The following PDHA1 variants were observed in gnomAD, a reference collection of about 807,000 sequenced individuals.
The protein encoded by PDHA1 is pyruvate dehydrogenase E1 component subunit alpha, somatic form, mitochondrial.
PDHA1 carries 1 observed loss-of-function variant against 33.0 expected under a neutral mutation model. That is an observed-to-expected ratio of 0.03 (90% CI 0.01 to 0.14). The LOEUF (loss-of-function observed/expected upper bound fraction) is 0.14. Ranked by LOEUF, PDHA1 falls within the 10% of genes least tolerant of loss-of-function variation. The probability of loss-of-function intolerance (pLI) is 1.00; values close to 1 mark genes in which losing one functional copy is unlikely to be tolerated. For missense variants in PDHA1, 168 were observed against 325.1 expected (o/e 0.52, Z 3.72); for synonymous variants, 123 against 119.2 (o/e 1.03, Z -0.21).
Position 19,355,335 on chromosome X carries a change from G to A in PDHA1, c.604-14G>A, listed in dbSNP as rs377192586. Reference sequence around the variant, plus strand: ...AAGAAGCCAAATGAAACCCCTTTTCGTAACTACTTCCAGGGCCAGATATTC... The same window carrying A: ...AAGAAGCCAAATGAAACCCCTTTTCATAACTACTTCCAGGGCCAGATATTC... On this transcript the variant is annotated splice_polypyrimidine_tract_variant and intron_variant, in intron 6 of 10. Transcript: ENST00000422285. 3.3e-4 allele frequency: 401 copies of A among 1,209,500 alleles called. 1 individual carries two copies. The highest frequency in any genetic ancestry group is 4.2e-4 in the Non-Finnish European group (376 of 894,254).
Position 19,361,015 on chromosome X carries a change from T to A in PDHA1, c.*1362T>A. On this transcript the variant is annotated 3_prime_UTR_variant, in exon 11 of 11. Transcript: ENST00000422285. ...AGGTACGTACCTGCAGAGAGCTGGC[T>A]ATTTCAAATGACTCGGGAACAAGAA... 1 of 425,237 alleles carries A rather than the reference T, an allele frequency of 2.4e-6. No homozygotes were observed. Among genetic ancestry groups the A allele is most frequent in the South Asian group, 4.0e-5 (1 of 25,157 alleles). 35.0% of individuals were successfully genotyped at this position (425,237 alleles called of 1,213,427 possible).
intron 1 of PDHA1, 60 bp downstream of exon 1, chrX:19,344,154 G>A: frequency 9.5e-7 from 1 of 1,047,680 alleles, no homozygotes; most frequent in Non-Finnish European, 1.3e-6. Context: ...GGGCCGGAGG[G>A]CAGGGCGGGC....
Position 19,349,387 on chromosome X carries a change from C to T in PDHA1, c.117+16C>T, listed in dbSNP as rs757071068. 3 of 1,045,340 alleles carry T rather than the reference C, an allele frequency of 2.9e-6. No homozygotes were observed. The African/African-American group carries it at 5.5e-5, about 19-fold the overall frequency. 86.1% of individuals were successfully genotyped at this position (1,045,340 alleles called of 1,213,427 possible). A position where few individuals can be genotyped will look rare whatever the true frequency, so the allele number is the denominator to read the frequency against. Reference sequence around the variant, plus strand: ...TGAAATTAAGGTAAGAGGTGTTTTACTTTGTTAATAATTTTTTCACAGGTA... The same window carrying T: ...TGAAATTAAGGTAAGAGGTGTTTTATTTTGTTAATAATTTTTTCACAGGTA... On this transcript the variant is annotated intron_variant, in intron 2 of 10. Coordinates refer to ENST00000422285, the MANE Select transcript of PDHA1 (RefSeq NM_000284.4).
At position 19,361,246 on chromosome X, in the gene PDHA1, G is replaced by C; in HGVS notation, c.*1593G>C. 1 of 733,245 alleles carries C rather than the reference G, an allele frequency of 1.4e-6. No homozygotes were observed. Among genetic ancestry groups the C allele is most frequent in the Non-Finnish European group, 2.0e-6 (1 of 503,335 alleles). 60.4% of individuals were successfully genotyped at this position (733,245 alleles called of 1,213,427 possible). A position where few individuals can be genotyped will look rare whatever the true frequency, so the allele number is the denominator to read the frequency against. On this transcript the variant is annotated 3_prime_UTR_variant, in exon 11 of 11. Coordinates refer to ENST00000422285, the MANE Select transcript of PDHA1 (RefSeq NM_000284.4). ...TGAACCTAATAGAACTCCAGAGTTT[G>C]GGGGGAGGCCCAGCCCTTTGTTTTC...
At chrX:19,346,249 T>C (rs1284858107) in intron 1 of PDHA1, among the ~76,000 whole-genome samples, 2 of 111,900 alleles carry the variant, frequency 1.8e-5, no homozygotes, top group Non-Finnish European at 3.8e-5. Flanking sequence ...GCTGGTCTGA[T>C]GGCTGTGACA....
rs1368185328 is a variant in PDHA1, at chrX:19,359,721, G to A, written c.*68G>A. Reference sequence around the variant, plus strand: ...CAGTGTTCTCAACTTGGTTAAGGAGGAAGAAAACCCAGTCAATGAAATTCA... The same window carrying A: ...CAGTGTTCTCAACTTGGTTAAGGAGAAAGAAAACCCAGTCAATGAAATTCA... On this transcript the variant is annotated 3_prime_UTR_variant, in exon 11 of 11. Coordinates refer to ENST00000422285, the MANE Select transcript of PDHA1 (RefSeq NM_000284.4). 6.1e-6 allele frequency: 6 copies of A among 982,390 alleles called. No individual in the cohort carries two copies. Among genetic ancestry groups the A allele is most frequent in the Non-Finnish European group, 8.7e-6 (6 of 690,080 alleles). 81.0% of individuals were successfully genotyped at this position (982,390 alleles called of 1,213,427 possible). A position where few individuals can be genotyped will look rare whatever the true frequency, so the allele number is the denominator to read the frequency against.
chrX:19,352,027 G>A (rs2063166662), intron 4 of PDHA1, among the ~76,000 whole-genome samples: 1 of 109,646 alleles, frequency 9.1e-6, no homozygotes. Context: ...TCCAACTCCT[G>A]ACCTCAGGTG....
At chrX:19,355,297 T>A (rs1275316958) in intron 6 of PDHA1, 52 bp from the exon 7 acceptor site, 2 of 1,173,662 alleles carry the variant, frequency 1.7e-6, no homozygotes, top group Non-Finnish European at 2.3e-6. Flanking sequence ...TTAGAGATGA[T>A]GAAGCCTGGA....
intron 3 of PDHA1, among the ~76,000 whole-genome samples, chrX:19,350,514 C>T (rs2063157727): frequency 8.9e-6 from 1 of 112,368 alleles, no homozygotes; most frequent in Non-Finnish European, 1.9e-5. Flanking sequence ...GGTCCGCCCA[C>T]CTTGGCCTCC....
chrX:19,345,572 T>TAAAAAA (rs11318265), intron 1 of PDHA1, among the ~76,000 whole-genome samples: 2 of 30,261 alleles, frequency 6.6e-5, no homozygotes, highest in African/African-American at 9.5e-5. Flanking sequence ...CTCCGTATTT[T>TAAAAAA]AAAAAAAAAA....
chrX:19,348,361 C>CT (rs1182030854), intron 1 of PDHA1, among the ~76,000 whole-genome samples: 2 of 112,159 alleles, frequency 1.8e-5, no homozygotes, highest in African/African-American at 6.5e-5. Flanking sequence ...AACATTTCTA[C>CT]TGGGGCTTCA....
chrX:19,352,840 G>T, intron 4 of PDHA1: 1 of 430,009 alleles, frequency 2.3e-6, no homozygotes, highest in South Asian at 3.3e-5. Flanking sequence ...GTATCATCTG[G>T]ATGGAACATC....
chrX:19,359,400 A>G, intron 10 of PDHA1, 89 bp from the exon 11 acceptor site: 2 of 740,652 alleles, frequency 2.7e-6, no homozygotes, highest in Non-Finnish European at 2.1e-6. Flanking sequence ...TTAAAGAGTT[A>G]CACCAGCAAC....
rs1555935693 is a variant in PDHA1, at chrX:19,359,737, A to ATGAAATTCAATGAAATTCTT, written c.*85_*104dup. 4.7e-6 allele frequency: 4 copies of ATGAAATTCAATGAAATTCTT among 843,047 alleles called. No individual in the cohort carries two copies. The highest frequency in any genetic ancestry group is 5.3e-6 in the Non-Finnish European group (3 of 571,276). 69.5% of individuals were successfully genotyped at this position (843,047 alleles called of 1,213,427 possible). On this transcript the variant is annotated 3_prime_UTR_variant, in exon 11 of 11. Coordinates refer to ENST00000422285, the MANE Select transcript of PDHA1 (RefSeq NM_000284.4). ...GTTAAGGAGGAAGAAAACCCAGTCA[A>ATGAAATTCAATGAAATTCTT]TGAAATTCAATGAAATTCTTGGAAA...
intron 4 of PDHA1, 183 bp downstream of exon 4, chrX:19,351,590 C>G (rs764744987): frequency 1.7e-4 from 72 of 428,943 alleles, no homozygotes; most frequent in African/African-American, 1.6e-3. Context: ...GTGAAGTTCT[C>G]TGGCCCCTCA....
intron 1 of PDHA1, among the ~76,000 whole-genome samples, chrX:19,348,930 A>G (rs1189924505): frequency 1.8e-5 from 2 of 112,389 alleles, no homozygotes; most frequent in Non-Finnish European, 3.8e-5. Flanking sequence ...GGGTGATAAA[A>G]GCAAAACTCC....
At chrX:19,359,266 CCCCCACAGTAGTATGGTTCT>C (rs2063238690) in intron 10 of PDHA1, among the ~76,000 whole-genome samples, 1 of 111,705 alleles carries the variant, frequency 9.0e-6, no homozygotes, top group South Asian at 3.7e-4. Flanking sequence ...AGTGGCAAAG[CCCCCACAGTAGTATGGTTCT>C]TTTTTCCTAA....
chrX:19,353,238 T>C (rs1259113541), intron 5 of PDHA1, 65 bp downstream of exon 5: 2 of 887,912 alleles, frequency 2.3e-6, no homozygotes, highest in East Asian at 3.1e-5. Context: ...TCAAAAACTT[T>C]CACAGCCCCA....
intron 1 of PDHA1, among the ~76,000 whole-genome samples, chrX:19,347,383 C>G (rs957924950): frequency 8.9e-6 from 1 of 112,497 alleles, no homozygotes; most frequent in Admixed American, 9.4e-5. Context: ...TAACTTTGTT[C>G]CTTTCACTCA....
Sources: allele counts gnomAD v4.1 joint callset (sites outside exome capture counted in the v4.1 genomes callset), GRCh38; gene constraint gnomAD v4.1.1; transcripts MANE v1.5; gene names NCBI Gene and HGNC (gene_info 2026-07-23, HGNC 2026-07-21).